Variants in JAM3 observed in about 807,000 individuals in gnomAD.
The protein encoded by JAM3 is junctional adhesion molecule C.
JAM3 carries 31 observed loss-of-function variants against 39.4 expected under a neutral mutation model. The observed-to-expected ratio is 0.79, with a 90% CI of 0.59 to 1.06. The LOEUF is 1.06. Ranked by LOEUF, JAM3 falls within the 50% of genes least tolerant of loss-of-function variation. The probability of loss-of-function intolerance (pLI) is 0.00; values close to 1 mark genes in which losing one functional copy is unlikely to be tolerated. For missense variants in JAM3, 455 were observed against 391.4 expected, an observed-to-expected ratio of 1.16 and a Z score of -1.37; for synonymous variants, 182 against 148.7, an observed-to-expected ratio of 1.22 and a Z score of -1.63.
chr11:134,084,942 T>C (rs982728390), intron 1 of JAM3, among the ~76,000 whole-genome samples: 28 of 151,270 alleles, frequency 1.9e-4, no homozygotes, highest in African/African-American at 5.9e-4. Flanking sequence ...TGGGTACATA[T>C]TCAGTTTGGG....
chr11:134,117,893 C>T (rs1348149537), intron 1 of JAM3, among the ~76,000 whole-genome samples: 15 of 152,168 alleles, frequency 9.9e-5, no homozygotes, highest in Non-Finnish European at 1.5e-4. Flanking sequence ...GTACTGTGAG[C>T]CCTAAAGAGG....
At chr11:134,129,118 A>G (rs1215061680) in intron 1 of JAM3, among the ~76,000 whole-genome samples, 1 of 138,120 alleles carries the variant, frequency 7.2e-6, no homozygotes, top group East Asian at 2.2e-4. Context: ...TATCTCTTCA[A>G]GTTCTTTTTT....
At chr11:134,138,893 T>G (rs953364589) in intron 1 of JAM3, among the ~76,000 whole-genome samples, 2 of 152,190 alleles carry the variant, frequency 1.3e-5, no homozygotes, top group Non-Finnish European at 2.9e-5. Context: ...AGGAAAAGAA[T>G]GGGCTGTGTG....
At chr11:134,137,046 G>A (rs1031853664) in intron 1 of JAM3, among the ~76,000 whole-genome samples, 1 of 151,824 alleles carries the variant, frequency 6.6e-6, no homozygotes, top group Non-Finnish European at 1.5e-5. Flanking sequence ...CCAAGAGGCG[G>A]AGCTTGCAGT....
intron 1 of JAM3, among the ~76,000 whole-genome samples, chr11:134,113,445 T>A (rs1161132564): frequency 2.0e-5 from 3 of 152,206 alleles, no homozygotes; most frequent in African/African-American, 7.2e-5. Flanking sequence ...ACGCGGTGTT[T>A]GGTTTTTTGT....
chr11:134,100,698 TCTCTTA>T (rs1313597497), intron 1 of JAM3, among the ~76,000 whole-genome samples: 2 of 152,126 alleles, frequency 1.3e-5, no homozygotes, highest in African/African-American at 2.4e-5. Flanking sequence ...TTACGTATGC[TCTCTTA>T]CTCTTACAAC....
rs1591809002 is a variant in JAM3 at position 134,146,064 on chromosome 11, G to A, written c.712+19G>A. ...GAAGTCTGTGAGTTTCTTTTTTGAA[G>A]AGGTTTCATCGCAAGACTGGGAAGT... is the stretch of plus-strand genomic sequence containing the variant. On this transcript the variant is annotated intron_variant, in intron 6 of 8. Transcript: ENST00000299106. The A allele has an allele frequency of 1.3e-6, 2 of 1,526,958 alleles. No homozygotes were observed. Among genetic ancestry groups the A allele is most frequent in the Non-Finnish European group, 1.8e-6 (2 of 1,100,554 alleles). 94.6% of individuals were successfully genotyped at this position (1,526,958 alleles called of 1,614,324 possible). A position where few individuals can be genotyped will look rare whatever the true frequency, so the allele number is the denominator to read the frequency against.
intron 8 of JAM3, 78 bp from the exon 9 acceptor site, chr11:134,149,068 C>A: frequency 6.6e-7 from 1 of 1,521,464 alleles, no homozygotes; most frequent in Non-Finnish European, 9.1e-7. Flanking sequence ...GTATTTAGCC[C>A]ATGTTAGACT....
At chr11:134,087,569 C>T (rs529294242) in intron 1 of JAM3, among the ~76,000 whole-genome samples, 10 of 152,258 alleles carry the variant, frequency 6.6e-5, no homozygotes, top group African/African-American at 1.9e-4. Context: ...ATATAAGGTA[C>T]TTTTTAAAAA....
rs61244231 is a variant in JAM3, at chr11:134,118,969, C to CTTTTT, written c.77-20870_77-20866dup. Among the ~76,000 whole-genome samples, 67 of 140,436 alleles carry CTTTTT rather than the reference C, an allele frequency of 4.8e-4. 1 individual carries two copies. In the East Asian group the frequency reaches 0.011, roughly 24 times the overall value. The allele number at this position is 140,436 out of a possible 152,430, so 92.1% of individuals were successfully genotyped here. On this transcript the variant is annotated intron_variant, in intron 1 of 8. Coordinates refer to ENST00000299106, the MANE Select transcript of JAM3 (RefSeq NM_032801.5). ...TTAATCAGATTTGTGCTCAAGAAATCTTTTTTTTTTTTTTTTGATACAGAG... is the reference window on the plus strand; with the variant it reads ...TTAATCAGATTTGTGCTCAAGAAATCTTTTTTTTTTTTTTTTTTTTTGATACAGAG...
chr11:134,099,213 T>A (rs541643800), intron 1 of JAM3, among the ~76,000 whole-genome samples: 1 of 151,662 alleles, frequency 6.6e-6, no homozygotes, highest in African/African-American at 2.4e-5. Flanking sequence ...AAAATAAAAA[T>A]AAAAATAATA....
chr11:134,106,751 T>C (rs1796691653), intron 1 of JAM3, among the ~76,000 whole-genome samples: 1 of 152,162 alleles, frequency 6.6e-6, no homozygotes, highest in South Asian at 2.1e-4. Flanking sequence ...TCACTGGCCA[T>C]CAGATAAATG....
intron 1 of JAM3, among the ~76,000 whole-genome samples, chr11:134,132,532 T>G (rs180935852): frequency 1.3e-5 from 2 of 152,378 alleles, no homozygotes; most frequent in African/African-American, 2.4e-5. Flanking sequence ...TATTTATAAT[T>G]TTGGTTTATA....
chr11:134,145,218 C>T (rs1012724397), intron 5 of JAM3: 2 of 592,070 alleles, frequency 3.4e-6, no homozygotes, highest in African/African-American at 3.7e-5. Context: ...TAGATTGAGA[C>T]CGAAGAGGGA....
At chr11:134,095,962 G>T (rs984447152) in intron 1 of JAM3, among the ~76,000 whole-genome samples, 3 of 152,124 alleles carry the variant, frequency 2.0e-5, no homozygotes, top group African/African-American at 7.2e-5. Context: ...CATGATGTCA[G>T]TTGCCATGCA....
intron 1 of JAM3, among the ~76,000 whole-genome samples, chr11:134,098,181 C>G (rs11223689): frequency 0.15 from 23,186 of 152,100 alleles, 1,933 homozygotes; most frequent in African/African-American, 0.22. Flanking sequence ...CTAGCCATTC[C>G]TTTTACTGTG....
At chr11:134,118,095 C>G (rs546464374) in intron 1 of JAM3, among the ~76,000 whole-genome samples, 1 of 152,304 alleles carries the variant, frequency 6.6e-6, no homozygotes, top group Non-Finnish European at 1.5e-5. Context: ...AGGTCTTATG[C>G]TCAGGGCAAA....
chr11:134,127,147 G>A (rs1256078370), intron 1 of JAM3, among the ~76,000 whole-genome samples: 1 of 152,156 alleles, frequency 6.6e-6, no homozygotes, highest in Non-Finnish European at 1.5e-5. Flanking sequence ...AATAGAAAGA[G>A]TGTTAGACAT....
intron 1 of JAM3, among the ~76,000 whole-genome samples, chr11:134,132,248 G>A (rs1393011448): frequency 6.6e-6 from 1 of 152,166 alleles, no homozygotes; most frequent in African/African-American, 2.4e-5. Context: ...CAGAAACCTT[G>A]GAGGCCAGAA....
Sources: gnomAD v4.1 joint callset for allele counts (sites outside exome capture counted in the v4.1 genomes callset) on GRCh38, gnomAD v4.1.1 for gene constraint, MANE v1.5 for transcripts, NCBI Gene and HGNC (gene_info 2026-07-23, HGNC 2026-07-21) for gene names.